Variants in CDCP1 observed in about 807,000 individuals in gnomAD.
CDCP1 encodes CUB domain containing protein 1.
In CDCP1, 29 loss-of-function variants were observed where a neutral mutation model predicts 60.2. That is an observed-to-expected ratio of 0.48 (90% CI 0.36 to 0.66). The LOEUF (loss-of-function observed/expected upper bound fraction) is 0.66, where lower values mean the gene tolerates loss of function less well. Ranked by LOEUF, CDCP1 falls within the 30% of genes least tolerant of loss-of-function variation. The pLI is 0.00. For synonymous variants in CDCP1, 387 were observed against 431.1 expected (o/e 0.90, Z 1.27); for missense variants, 876 against 1,074.3 (o/e 0.82, Z 2.58).
intron 4 of CDCP1, among the ~76,000 whole-genome samples, chr3:45,109,702 AG>A (rs910948832): frequency 1.1e-4 from 16 of 152,006 alleles, no homozygotes; most frequent in African/African-American, 3.9e-4. Flanking sequence ...GCTCACTCTC[AG>A]GGGCTGACCT....
rs777444641 is a variant in CDCP1, at chr3:45,146,326, G to C, written c.-39C>G. ...CTCGGCCTCGGTGGGGAAAACGACG[G>C]TGGGGAGCGGCGGCCCCAGGCGCCC... is the stretch of plus-strand genomic sequence containing the variant. On this transcript the variant is annotated 5_prime_UTR_variant, in exon 1 of 9. Coordinates refer to ENST00000296129, the MANE Select transcript of CDCP1 (RefSeq NM_022842.5). The C allele has an allele frequency of 1.9e-5, 29 of 1,515,190 alleles. No individual in the cohort carries two copies. Among genetic ancestry groups the C allele is most frequent in the Non-Finnish European group, 2.4e-5 (27 of 1,132,810 alleles). The allele number at this position is 1,515,190 out of a possible 1,614,324, so 93.9% of individuals were successfully genotyped here.
intron 4 of CDCP1, among the ~76,000 whole-genome samples, chr3:45,100,016 CTA>C (rs758253075): frequency 6.6e-6 from 1 of 152,096 alleles, no homozygotes; most frequent in Non-Finnish European, 1.5e-5. Flanking sequence ...GTCTGGGGAT[CTA>C]TATACTGCTC....
At chr3:45,112,035 A>G in intron 3 of CDCP1, 48 bp downstream of exon 3, 2 of 1,580,966 alleles carry the variant, frequency 1.3e-6, no homozygotes, top group African/African-American at 2.7e-5. Flanking sequence ...AACAATGATG[A>G]TCTTGTGTGT....
In CDCP1 at chr3:45,089,067, A is replaced by C; in HGVS notation, c.2068T>G (p.Cys690Gly). The C allele has an allele frequency of 1.2e-6, 2 of 1,614,086 alleles. No homozygotes were observed. Among genetic ancestry groups the C allele is most frequent in the Non-Finnish European group, 1.7e-6 (2 of 1,179,930 alleles). Residue 690 changes from cysteine (C) to glycine (G), a missense_variant, in exon 8 of 9, where the codon TGT (cysteine) becomes GGT (glycine). Physicochemically the swap from Cys to Gly is radical, Grantham distance 159. Coordinates refer to ENST00000296129, the MANE Select transcript of CDCP1 (RefSeq NM_022842.5). ...LLSALGLIIC[C>G]VKKKKKKTNK... ...GATTCCACCTACTTCTTTTTCACAC[A>C]GCAAATGATGAGCCCGAGGGCAGAC...
intron 1 of CDCP1, among the ~76,000 whole-genome samples, chr3:45,137,635 C>T (rs1292837449): frequency 7.5e-6 from 1 of 133,174 alleles, no homozygotes; most frequent in Non-Finnish European, 1.6e-5. Context: ...GGTGAAACCC[C>T]ATCTCTATTA....
chr3:45,126,805 T>G (rs1559399156), intron 1 of CDCP1, among the ~76,000 whole-genome samples: 1 of 152,220 alleles, frequency 6.6e-6, no homozygotes, highest in Non-Finnish European at 1.5e-5. Context: ...TAAATATTTA[T>G]AAATCCCCAC....
Position 45,118,540 on chromosome 3 carries a change from G to T in CDCP1, c.164C>A (p.Pro55His), listed in dbSNP as rs2126000420. 1 of 1,614,138 alleles carries T rather than the reference G, an allele frequency of 6.2e-7. No individual in the cohort carries two copies. Among genetic ancestry groups the T allele is most frequent in the South Asian group, 1.1e-5 (1 of 91,078 alleles). ...KLGTPTLLAKPCYIVISKRHI... is the reference protein window; with the variant it reads ...KLGTPTLLAKHCYIVISKRHI... Reference sequence around the variant, plus strand: ...TCTTTTAGAAATGACGATGTAACAGGGTTTTGCCAGCAGAGTCGGGGTCCC... The same window carrying T: ...TCTTTTAGAAATGACGATGTAACAGTGTTTTGCCAGCAGAGTCGGGGTCCC... Residue 55 changes from proline to histidine, a missense_variant, in exon 2 of 9, where the codon CCC (proline) becomes CAC (histidine). By Grantham distance (77) the Pro-to-His change is moderately conservative. Around this residue, in one of 2 missense-constraint regions of CDCP1, gnomAD observed 150 missense variants for 138.6 expected, o/e 1.08. Coordinates refer to ENST00000296129, the MANE Select transcript of CDCP1 (RefSeq NM_022842.5).
chr3:45,113,347 T>G (rs1471947332), intron 2 of CDCP1, among the ~76,000 whole-genome samples: 1 of 152,224 alleles, frequency 6.6e-6, no homozygotes, highest in Non-Finnish European at 1.5e-5. Context: ...TTTGATATAT[T>G]TGTTTCCTAA....
intron 2 of CDCP1, among the ~76,000 whole-genome samples, chr3:45,113,212 G>A (rs1430733714): frequency 6.6e-6 from 1 of 152,162 alleles, no homozygotes; most frequent in Admixed American, 6.5e-5. Context: ...TACTCTGAAC[G>A]TGCAACTCCC....
intron 1 of CDCP1, among the ~76,000 whole-genome samples, chr3:45,135,024 T>C (rs188889116): frequency 3.9e-5 from 6 of 152,240 alleles, no homozygotes; most frequent in Non-Finnish European, 7.4e-5. Flanking sequence ...AAGGTATGGA[T>C]GTGGAAGGTG....
At chr3:45,144,791 C>G (rs1029034970) in intron 1 of CDCP1, among the ~76,000 whole-genome samples, 2 of 152,146 alleles carry the variant, frequency 1.3e-5, no homozygotes, top group African/African-American at 4.8e-5. Context: ...CCTTTTTATT[C>G]TTAAACTAAT....
intron 4 of CDCP1, among the ~76,000 whole-genome samples, chr3:45,096,228 G>A (rs561372868): frequency 2.6e-5 from 4 of 152,294 alleles, no homozygotes; most frequent in African/African-American, 4.8e-5. Context: ...GAGTGCCCAC[G>A]TTTAACTGCA....
chr3:45,099,954 T>C (rs1355939485), intron 4 of CDCP1, among the ~76,000 whole-genome samples: 1 of 152,180 alleles, frequency 6.6e-6, no homozygotes, highest in Non-Finnish European at 1.5e-5. Context: ...AAGTGGCTTT[T>C]CTTCTATTCA....
intron 1 of CDCP1, among the ~76,000 whole-genome samples, chr3:45,123,618 T>C (rs746305070): frequency 1.1e-4 from 16 of 152,128 alleles, no homozygotes; most frequent in Non-Finnish European, 1.8e-4. Flanking sequence ...TGTACATACT[T>C]GAAATGTGGA....
At chr3:45,104,399 T>G (rs1698528527) in intron 4 of CDCP1, among the ~76,000 whole-genome samples, 1 of 152,254 alleles carries the variant, frequency 6.6e-6, no homozygotes, top group Non-Finnish European at 1.5e-5. Context: ...TTAATTTCCC[T>G]GCTGCCTACA....
At chr3:45,130,564 C>CATAA (rs760210394) in intron 1 of CDCP1, among the ~76,000 whole-genome samples, 1 of 152,336 alleles carries the variant, frequency 6.6e-6, no homozygotes, top group East Asian at 1.9e-4. Context: ...AGGTCCTGGG[C>CATAA]ATAAGGTCTC....
At chr3:45,110,977 A>G (rs902321641) in intron 3 of CDCP1, 136 bp from the exon 4 acceptor site, 3 of 964,806 alleles carry the variant, frequency 3.1e-6, no homozygotes, top group Non-Finnish European at 4.6e-6. Flanking sequence ...TAGATACTGT[A>G]TATTTGGACT....
intron 1 of CDCP1, among the ~76,000 whole-genome samples, chr3:45,129,578 A>C (rs997276499): frequency 7.2e-5 from 11 of 152,272 alleles, no homozygotes; most frequent in African/African-American, 2.7e-4. Flanking sequence ...GTGAGTCACG[A>C]GGACCATGAA....
intron 2 of CDCP1, among the ~76,000 whole-genome samples, chr3:45,114,077 A>T (rs555722537): frequency 9.5e-4 from 144 of 152,360 alleles, no homozygotes; most frequent in African/African-American, 3.4e-3. Flanking sequence ...ACATGCCTGG[A>T]CCATCCCAGG....
Sources: allele counts gnomAD v4.1 joint callset (sites outside exome capture counted in the v4.1 genomes callset), GRCh38; gene constraint gnomAD v4.1.1; regional missense constraint gnomAD v4.1.1; transcripts MANE v1.5; gene names NCBI Gene and HGNC (gene_info 2026-07-23, HGNC 2026-07-21).